The following FAM81A variants were observed in gnomAD, a reference collection of about 807,000 sequenced individuals.
The protein encoded by FAM81A is protein FAM81A.
Under a neutral mutation model 46.7 loss-of-function variants are expected in FAM81A, and 19 were observed. The observed-to-expected ratio is 0.41, with a 90% CI of 0.28 to 0.60. The LOEUF is 0.60. FAM81A is among the 20% of genes least tolerant of loss of function. FAM81A has a pLI of 0.34. For synonymous variants in FAM81A, 183 were observed against 152.9 expected, an observed-to-expected ratio of 1.20 and a Z score of -1.45; for missense variants, 377 against 453.5, an observed-to-expected ratio of 0.83 and a Z score of 1.53.
At chr15:59,403,458 G>T (rs1043365909) in intron 2 of FAM81A, among the ~76,000 whole-genome samples, 6 of 152,228 alleles carry the variant, frequency 3.9e-5, no homozygotes, top group African/African-American at 1.4e-4. Flanking sequence ...GCAAGCAGGG[G>T]AGAGGGGTCT....
intron 1 of FAM81A, among the ~76,000 whole-genome samples, chr15:59,400,307 T>C (rs1437372251): frequency 6.6e-6 from 1 of 152,010 alleles, no homozygotes; most frequent in Non-Finnish European, 1.5e-5. Flanking sequence ...ATCCAGCCAC[T>C]CACGGGTCTG....
chr15:59,505,310 G>C (rs1596538645), intron 4 of FAM81A, among the ~76,000 whole-genome samples: 1 of 152,186 alleles, frequency 6.6e-6, no homozygotes, highest in Non-Finnish European at 1.5e-5. Flanking sequence ...TCAGGAGTTT[G>C]AGACCAGCCC....
intron 5 of FAM81A, among the ~76,000 whole-genome samples, 198 bp from the exon 6 acceptor site, chr15:59,508,665 C>G (rs1255333762): frequency 2.0e-5 from 3 of 152,018 alleles, no homozygotes; most frequent in Non-Finnish European, 4.4e-5. Context: ...AATATTTTGG[C>G]AGTGCTACTG....
intron 3 of FAM81A, among the ~76,000 whole-genome samples, chr15:59,467,629 A>G (rs2081630599): frequency 6.6e-6 from 1 of 152,204 alleles, no homozygotes; most frequent in African/African-American, 2.4e-5. Context: ...GGGGTTTTCT[A>G]AATATACAAT....
chr15:59,400,223 G>A (rs2081064447), intron 1 of FAM81A, among the ~76,000 whole-genome samples: 1 of 151,890 alleles, frequency 6.6e-6, no homozygotes, highest in South Asian at 2.1e-4. Context: ...GGGGGAATGC[G>A]TCTGCACACG....
At chr15:59,498,126 A>G (rs1486889522) in intron 4 of FAM81A, among the ~76,000 whole-genome samples, 1 of 152,246 alleles carries the variant, frequency 6.6e-6, no homozygotes, top group Non-Finnish European at 1.5e-5. Context: ...TTGGGATTAC[A>G]GGTGTTAGTC....
intron 2 of FAM81A, among the ~76,000 whole-genome samples, chr15:59,429,768 C>T (rs1419275739): frequency 6.6e-6 from 1 of 152,194 alleles, no homozygotes; most frequent in Non-Finnish European, 1.5e-5. Flanking sequence ...ATAGTTGAAT[C>T]AGTATCAATT....
intron 2 of FAM81A, among the ~76,000 whole-genome samples, chr15:59,414,319 C>T (rs1380204333): frequency 5.3e-5 from 8 of 152,142 alleles, no homozygotes; most frequent in Admixed American, 3.9e-4. Flanking sequence ...CCCTCACTCT[C>T]CGTGGGTTTC....
intron 2 of FAM81A, among the ~76,000 whole-genome samples, chr15:59,430,187 T>A (rs2081213403): frequency 1.3e-5 from 2 of 150,552 alleles, no homozygotes; most frequent in African/African-American, 4.9e-5. Flanking sequence ...AGCAGGGGGA[T>A]GGGGAGGATA....
chr15:59,509,706 G>A (rs1376568543), intron 6 of FAM81A, among the ~76,000 whole-genome samples: 5 of 152,322 alleles, frequency 3.3e-5, no homozygotes, highest in Admixed American at 3.3e-4. Context: ...GGATGTTTGA[G>A]GTGAGAGCTG....
intron 2 of FAM81A, among the ~76,000 whole-genome samples, chr15:59,403,106 T>G (rs1375946987): frequency 6.6e-6 from 1 of 152,202 alleles, no homozygotes; most frequent in Non-Finnish European, 1.5e-5. Flanking sequence ...CTTTACCTCA[T>G]GCTCCATCAG....
chr15:59,399,985 G>A (rs866909755), intron 1 of FAM81A, among the ~76,000 whole-genome samples: 1 of 152,140 alleles, frequency 6.6e-6, no homozygotes, highest in African/African-American at 2.4e-5. Flanking sequence ...CTCCAGGGAG[G>A]GTGGTGGGGT....
At chr15:59,471,205 C>A (rs543620577) in intron 3 of FAM81A, among the ~76,000 whole-genome samples, 4 of 152,210 alleles carry the variant, frequency 2.6e-5, no homozygotes, top group Admixed American at 2.6e-4. Context: ...CTTTCTTGTT[C>A]TATTAGTTAT....
At chr15:59,438,184 C>T (rs2081256878), upstream of FAM81A, 1 of 146,414 alleles carries the variant, frequency 6.8e-6, no homozygotes, top group African/African-American at 2.4e-5. Context: ...CGGCGCGGGC[C>T]CGCAGCCGGG....
chr15:59,512,288 C>T (rs1390289008), intron 6 of FAM81A, among the ~76,000 whole-genome samples: 1 of 151,806 alleles, frequency 6.6e-6, no homozygotes, highest in East Asian at 2.0e-4. Flanking sequence ...GCCTGGCCAA[C>T]ATGGTGAAAC....
chr15:59,490,333 A>G (rs1306502267), intron 3 of FAM81A, among the ~76,000 whole-genome samples: 1 of 152,204 alleles, frequency 6.6e-6, no homozygotes, highest in African/African-American at 2.4e-5. Context: ...ACGTAGTTGC[A>G]AACTCTCCAT....
At chr15:59,518,079 TCTCCTGC>T (rs2082285770) in intron 8 of FAM81A, among the ~76,000 whole-genome samples, 1 of 151,720 alleles carries the variant, frequency 6.6e-6, no homozygotes, top group Non-Finnish European at 1.5e-5. Context: ...TACAAGCGAT[TCTCCTGC>T]CTCAGCCTCC....
At chr15:59,402,644 G>A (rs938950056) in intron 2 of FAM81A, among the ~76,000 whole-genome samples, 41 of 145,492 alleles carry the variant, frequency 2.8e-4, no homozygotes, top group East Asian at 1.0e-3. Context: ...GGGTTCAAGC[G>A]TTTCTCCTGC....
intron 3 of FAM81A, among the ~76,000 whole-genome samples, chr15:59,473,410 A>C (rs538971134): frequency 6.6e-6 from 1 of 152,238 alleles, no homozygotes. Context: ...ATCAGATCAA[A>C]AAAACATAGT....
Sources: allele counts gnomAD v4.1 joint callset (sites outside exome capture counted in the v4.1 genomes callset), GRCh38; gene constraint gnomAD v4.1.1; transcripts MANE v1.5; gene names NCBI Gene and HGNC (gene_info 2026-07-23, HGNC 2026-07-21).